OXSR1: variants seen among roughly 807,000 people sequenced by gnomAD.
OXSR1 encodes serine/threonine-protein kinase OSR1.
In OXSR1, 24 loss-of-function variants were observed where a neutral mutation model predicts 79.8. That is an observed-to-expected ratio of 0.30 (90% CI 0.22 to 0.42). The LOEUF (loss-of-function observed/expected upper bound fraction) is 0.42, where lower values mean the gene tolerates loss of function less well. Among genes scored for constraint, OXSR1 ranks in the 10% least tolerant of loss-of-function variants. The pLI, the probability that OXSR1 is intolerant of heterozygous loss-of-function variation, is 1.00. For missense variants in OXSR1, 430 were observed against 618.4 expected, an observed-to-expected ratio of 0.70 and a Z score of 3.23; for synonymous variants, 226 against 209.2, an observed-to-expected ratio of 1.08 and a Z score of -0.69.
chr3:38,228,024 T>A (rs1378748188), intron 8 of OXSR1, among the ~76,000 whole-genome samples: 5 of 152,208 alleles, frequency 3.3e-5, no homozygotes. Flanking sequence ...TTACACAAAC[T>A]TTGATGGTAC....
At chr3:38,250,288 AT>A (rs1341067641) in intron 15 of OXSR1, 2 of 326,504 alleles carry the variant, frequency 6.1e-6, no homozygotes, top group East Asian at 1.3e-4. Flanking sequence ...GCGTTATCTT[AT>A]TAAATTCTCA....
intron 2 of OXSR1, among the ~76,000 whole-genome samples, chr3:38,184,954 G>GTTTTTTTTTTTTTTTTTTTT (rs1559503629): frequency 3.1e-5 from 3 of 96,224 alleles, no homozygotes; most frequent in Non-Finnish European, 6.0e-5. Flanking sequence ...TTTTTTTTGG[G>GTTTTTTTTTTTTTTTTTTTT]TTTCTTTGAG....
intron 1 of OXSR1, among the ~76,000 whole-genome samples, chr3:38,170,671 C>T (rs1701563662): frequency 6.6e-6 from 1 of 152,194 alleles, no homozygotes; most frequent in South Asian, 2.1e-4. Flanking sequence ...CCAATACTGG[C>T]ATCTGTGTCT....
chr3:38,192,483 T>C (rs760526297), intron 3 of OXSR1, among the ~76,000 whole-genome samples: 2 of 152,214 alleles, frequency 1.3e-5, no homozygotes, highest in Non-Finnish European at 2.9e-5. Context: ...AATTATAATT[T>C]GACATCAATA....
At position 38,236,862 on chromosome 3, in the gene OXSR1, T is replaced by C; in HGVS notation, c.975T>C (p.Ser325=). ...AGGTTCGGAGAGTACCAGGTTCCAG[T>C]GGGCGTCTTCATAAGACAGAGGATG... The part of the protein sequence containing the change: ...AKKVRRVPGS[S]GRLHKTEDGG... Residue 325 remains serine (S), a synonymous_variant, in exon 11 of 18, where the codon AGT becomes AGC. Coordinates refer to ENST00000311806, the MANE Select transcript of OXSR1 (RefSeq NM_005109.3). 6.2e-7 allele frequency: 1 copy of C among 1,611,920 alleles called. No individual in the cohort carries two copies. The highest frequency in any genetic ancestry group is 8.5e-7 in the Non-Finnish European group (1 of 1,178,562).
Position 38,230,391 on chromosome 3 carries a change from A to G in OXSR1, c.912A>G (p.Thr304=), listed in dbSNP as rs752871191. Residue 304 remains threonine (T), a synonymous_variant, in exon 10 of 18, where the codon ACA becomes ACG. Coordinates refer to ENST00000311806, the MANE Select transcript of OXSR1 (RefSeq NM_005109.3). ...ATAAAGAATTTCTTCAAGAAAAAACATTGCAGAGAGCACCAACCATTTCTG... is the reference window on the plus strand; with the variant it reads ...ATAAAGAATTTCTTCAAGAAAAAACGTTGCAGAGAGCACCAACCATTTCTG... The part of the protein sequence containing the change: ...AKNKEFLQEK[T]LQRAPTISER... 15 of 1,601,882 alleles carry G rather than the reference A, an allele frequency of 9.4e-6. 1 individual carries two copies. In the South Asian group the frequency reaches 1.4e-4, roughly 15 times the overall value.
In OXSR1 at chr3:38,217,984, C is replaced by T. The variant is rs561589361; in HGVS notation, c.490+1833C>T. Among the ~76,000 whole-genome samples, 5 of 152,210 alleles carry T rather than the reference C, an allele frequency of 3.3e-5. No homozygotes were observed. The South Asian group carries it at 6.2e-4, about 19-fold the overall frequency. On this transcript the variant is annotated intron_variant, in intron 5 of 17. Transcript: ENST00000311806. ...CTGAATAATAATTCCATTGTATTTA[C>T]GTGCTGCATTTTGTTTATCCATTCA... is the stretch of plus-strand genomic sequence containing the variant.
At chr3:38,243,460 G>A (rs904265029) in intron 12 of OXSR1, among the ~76,000 whole-genome samples, 3 of 152,168 alleles carry the variant, frequency 2.0e-5, no homozygotes, top group Non-Finnish European at 4.4e-5. Context: ...TACTGTGTCA[G>A]TATGATAGGA....
intron 3 of OXSR1, among the ~76,000 whole-genome samples, chr3:38,198,223 A>G (rs961291199): frequency 2.0e-5 from 3 of 152,104 alleles, no homozygotes; most frequent in Non-Finnish European, 2.9e-5. Context: ...TTATTTCTAT[A>G]ATTTATTAAC....
At chr3:38,194,186 G>C (rs991430756) in intron 3 of OXSR1, among the ~76,000 whole-genome samples, 8 of 152,164 alleles carry the variant, frequency 5.3e-5, no homozygotes, top group Non-Finnish European at 1.0e-4. Context: ...ACCTTATTGA[G>C]GGAGAACAGT....
chr3:38,219,465 G>A (rs1702546101), intron 5 of OXSR1, among the ~76,000 whole-genome samples: 1 of 152,098 alleles, frequency 6.6e-6, no homozygotes, highest in Non-Finnish European at 1.5e-5. Flanking sequence ...AGAATACCTA[G>A]TACTTATTGA....
intron 8 of OXSR1, among the ~76,000 whole-genome samples, chr3:38,225,335 T>C (rs1272786424): frequency 6.6e-6 from 1 of 152,162 alleles, no homozygotes; most frequent in Non-Finnish European, 1.5e-5. Context: ...GATTCCTAAC[T>C]TAGGGCTCTG....
chr3:38,253,787 C>T lies in OXSR1; in HGVS notation c.*896C>T, dbSNP rs780921237. 2 of 177,844 alleles carry T rather than the reference C, an allele frequency of 1.1e-5. No homozygotes were observed. Among genetic ancestry groups the T allele is most frequent in the South Asian group, 2.0e-4 (1 of 5,042 alleles). The allele number at this position is 177,844 out of a possible 1,614,324, so 11.0% of individuals were successfully genotyped here. On this transcript the variant is annotated 3_prime_UTR_variant, in exon 18 of 18. Transcript: ENST00000311806. ...AAATCAGTTCGCCTGGCCTCCAAGT[C>T]GTGAGGAAATGGGTATGCAAGGCTG...
chr3:38,186,846 A>G (rs991352512), intron 2 of OXSR1, among the ~76,000 whole-genome samples: 1 of 152,178 alleles, frequency 6.6e-6, no homozygotes. Flanking sequence ...TTGCTGGGTA[A>G]TATGGTAACT....
intron 5 of OXSR1, among the ~76,000 whole-genome samples, chr3:38,219,046 C>T (rs980775474): frequency 3.3e-5 from 5 of 152,050 alleles, no homozygotes; most frequent in African/African-American, 1.2e-4. Flanking sequence ...CAATTTAAAA[C>T]GAAAGGCAAA....
intron 4 of OXSR1, among the ~76,000 whole-genome samples, chr3:38,201,688 C>G (rs889327729): frequency 6.7e-6 from 1 of 150,288 alleles, no homozygotes; most frequent in Admixed American, 6.6e-5. Flanking sequence ...CCAGCTTAGG[C>G]GACAGAGCGA....
At chr3:38,176,675 A>G (rs968459449) in intron 1 of OXSR1, among the ~76,000 whole-genome samples, 2 of 152,218 alleles carry the variant, frequency 1.3e-5, no homozygotes, top group African/African-American at 4.8e-5. Flanking sequence ...TTGTCATTTG[A>G]CCATTTGTTA....
intron 9 of OXSR1, 48 bp downstream of exon 9, chr3:38,229,783 A>T: frequency 1.2e-5 from 17 of 1,361,110 alleles, no homozygotes; most frequent in Non-Finnish European, 1.8e-5. Flanking sequence ...GATGCTCCTC[A>T]ATTACTCAGA....
At position 38,237,057 on chromosome 3, in the gene OXSR1, T is replaced by G. The variant is rs1575366003; in HGVS notation, c.1074+96T>G. Reference sequence around the variant, plus strand: ...TATAAAGAATACAATTGTAACAGGATTTTCTTGAACAGCTTATTAATAATA... The same window carrying G: ...TATAAAGAATACAATTGTAACAGGAGTTTCTTGAACAGCTTATTAATAATA... On this transcript the variant is annotated intron_variant, in intron 11 of 17. Coordinates refer to ENST00000311806, the MANE Select transcript of OXSR1 (RefSeq NM_005109.3). 6 of 1,172,394 alleles carry G rather than the reference T, an allele frequency of 5.1e-6. No individual in the cohort carries two copies. The East Asian group carries it at 1.5e-4, about 29-fold the overall frequency. The allele number at this position is 1,172,394 out of a possible 1,614,324, so 72.6% of individuals were successfully genotyped here. A position where few individuals can be genotyped will look rare whatever the true frequency, so the allele number is the denominator to read the frequency against.
Sources: allele counts gnomAD v4.1 joint callset (sites outside exome capture counted in the v4.1 genomes callset), GRCh38; gene constraint gnomAD v4.1.1; transcripts MANE v1.5; gene names NCBI Gene and HGNC (gene_info 2026-07-23, HGNC 2026-07-21).